Variants in CNTNAP2 observed in about 807,000 individuals in gnomAD.
CNTNAP2 encodes contactin-associated protein-like 2.
In CNTNAP2, 98 loss-of-function variants were observed where a neutral mutation model predicts 155.2. That is an observed-to-expected ratio of 0.63 (90% confidence interval 0.54 to 0.75). CNTNAP2 has a LOEUF of 0.75. CNTNAP2 is among the 30% of genes least tolerant of loss of function. CNTNAP2 has a pLI of 0.00. For missense variants in CNTNAP2, 1,727 were observed against 1,688.1 expected (o/e 1.02, Z -0.40); for synonymous variants, 651 against 631.2 (o/e 1.03, Z -0.47).
intron 1 of CNTNAP2, among the ~76,000 whole-genome samples, chr7:146,332,941 ATTTTTTTTT>A (rs4016094): frequency 3.9e-5 from 4 of 102,460 alleles, no homozygotes; most frequent in Admixed American, 1.2e-4. Context: ...TTCTTCTTCT[ATTTTTTTTT>A]TTTTTTTTTT....
At chr7:147,861,590 T>C (rs1799133437) in intron 13 of CNTNAP2, among the ~76,000 whole-genome samples, 1 of 152,060 alleles carries the variant, frequency 6.6e-6, no homozygotes, top group Non-Finnish European at 1.5e-5. Context: ...GAGAAAAGAA[T>C]TTAAAACAGC....
intron 1 of CNTNAP2, among the ~76,000 whole-genome samples, chr7:146,700,495 A>G (rs1800857849): frequency 6.6e-6 from 1 of 152,102 alleles, no homozygotes; most frequent in Non-Finnish European, 1.5e-5. Context: ...TGAAAGTCTG[A>G]CCTTCAGGAA....
At chr7:148,194,405 T>C (rs945309322) in intron 18 of CNTNAP2, among the ~76,000 whole-genome samples, 1 of 152,180 alleles carries the variant, frequency 6.6e-6, no homozygotes, top group African/African-American at 2.4e-5. Context: ...ATTTGTCTTA[T>C]ATGTCTTAGT....
intron 9 of CNTNAP2, among the ~76,000 whole-genome samples, chr7:147,348,180 A>C (rs1795908939): frequency 6.6e-6 from 1 of 152,074 alleles, no homozygotes; most frequent in African/African-American, 2.4e-5. Context: ...ATATCACAGC[A>C]CAAATCTTCT....
At chr7:148,320,663 C>T (rs919471216) in intron 21 of CNTNAP2, among the ~76,000 whole-genome samples, 4 of 152,088 alleles carry the variant, frequency 2.6e-5, no homozygotes, top group African/African-American at 4.8e-5. Context: ...GGATTACAGG[C>T]GTGAGCCACC....
In CNTNAP2 at chr7:147,644,488, G is replaced by A. The variant is rs1038353777; in HGVS notation, c.2098+5182G>A. On this transcript the variant is annotated intron_variant, in intron 13 of 23. Transcript: ENST00000361727. ...ATACAGAAAATTAGCTGGGTGTGGT[G>A]GCATGCACCTGTAATCCCAGCTACT... 4.6e-5 allele frequency among the ~76,000 whole-genome samples: 7 copies of A among 152,220 alleles called. No homozygotes were observed. The East Asian group carries it at 1.4e-3, about 29-fold the overall frequency.
chr7:146,682,239 A>G (rs915498734), intron 1 of CNTNAP2, among the ~76,000 whole-genome samples: 1 of 151,806 alleles, frequency 6.6e-6, no homozygotes, highest in African/African-American at 2.4e-5. Context: ...ATGTATATGT[A>G]TATATATATA....
intron 7 of CNTNAP2, among the ~76,000 whole-genome samples, chr7:147,131,143 TAC>T (rs1315072070): frequency 6.7e-6 from 1 of 149,398 alleles, no homozygotes; most frequent in Non-Finnish European, 1.5e-5. Flanking sequence ...CATATACATA[TAC>T]ATGTACCATA....
At chr7:147,794,633 G>C (rs1057356666) in intron 13 of CNTNAP2, among the ~76,000 whole-genome samples, 4 of 151,656 alleles carry the variant, frequency 2.6e-5, no homozygotes, top group Non-Finnish European at 5.9e-5. Context: ...TTCAGCATGA[G>C]GGTAATAATA....
chr7:147,019,420 C>A (rs1477313987), intron 3 of CNTNAP2, among the ~76,000 whole-genome samples: 1 of 151,690 alleles, frequency 6.6e-6, no homozygotes, highest in Non-Finnish European at 1.5e-5. Flanking sequence ...AATAATTCCC[C>A]AAAAAAGCAA....
At chr7:146,473,045 T>A (rs1279246349) in intron 1 of CNTNAP2, among the ~76,000 whole-genome samples, 2 of 151,834 alleles carry the variant, frequency 1.3e-5, no homozygotes, top group Non-Finnish European at 1.5e-5. Flanking sequence ...GAAGTAGATC[T>A]ATATTTGGCC....
At chr7:146,123,986 A>G (rs1270925824) in intron 1 of CNTNAP2, among the ~76,000 whole-genome samples, 1 of 152,190 alleles carries the variant, frequency 6.6e-6, no homozygotes. Context: ...TTGTCAGCAA[A>G]CTAACACAGG....
At chr7:146,388,189 G>C (rs1161358334) in intron 1 of CNTNAP2, among the ~76,000 whole-genome samples, 2 of 151,402 alleles carry the variant, frequency 1.3e-5, no homozygotes, top group Non-Finnish European at 2.9e-5. Flanking sequence ...CTCGCACTTT[G>C]AGACGCTGAG....
intron 19 of CNTNAP2, among the ~76,000 whole-genome samples, chr7:148,218,329 A>G (rs915799102): frequency 6.6e-6 from 1 of 152,232 alleles, no homozygotes; most frequent in Non-Finnish European, 1.5e-5. Flanking sequence ...TTCATTCCCA[A>G]TCCTCTCAGA....
chr7:147,655,689 G>T (rs1795516664), intron 13 of CNTNAP2, among the ~76,000 whole-genome samples: 1 of 152,176 alleles, frequency 6.6e-6, no homozygotes, highest in Non-Finnish European at 1.5e-5. Context: ...AAGCTTTGTT[G>T]TTCCATTTCT....
At position 147,513,429 on chromosome 7, in the gene CNTNAP2, T is replaced by C. The variant is rs577520969; in HGVS notation, c.1777+27388T>C. The stretch of plus-strand genomic sequence containing the variant: ...GTAGGTGGCCTTGGTAAAGCCACTT[T>C]CTCTCTTTGAGGCTCATTTTTCTCA... On this transcript the variant is annotated intron_variant, in intron 11 of 23. Transcript: ENST00000361727. 3.3e-5 allele frequency among the ~76,000 whole-genome samples: 5 copies of C among 152,318 alleles called. No individual in the cohort carries two copies. The East Asian group carries it at 7.7e-4, about 23-fold the overall frequency.
chr7:146,673,908 C>T (rs1487605487), intron 1 of CNTNAP2, among the ~76,000 whole-genome samples: 2 of 152,130 alleles, frequency 1.3e-5, no homozygotes, highest in East Asian at 1.9e-4. Flanking sequence ...AACAAACAAA[C>T]CCAAGATCAA....
At chr7:147,116,058 C>T (rs1351574711) in intron 5 of CNTNAP2, among the ~76,000 whole-genome samples, 1 of 152,020 alleles carries the variant, frequency 6.6e-6, no homozygotes, top group Non-Finnish European at 1.5e-5. Flanking sequence ...AGAAGTCTGG[C>T]CACTCATCCA....
At chr7:147,309,134 G>A (rs886632768) in intron 9 of CNTNAP2, among the ~76,000 whole-genome samples, 1 of 152,142 alleles carries the variant, frequency 6.6e-6, no homozygotes, top group Non-Finnish European at 1.5e-5. Context: ...TTGGAGGGGG[G>A]TAGAAAGTAA....
Sources: gnomAD v4.1 joint callset for allele counts (sites outside exome capture counted in the v4.1 genomes callset) on GRCh38, gnomAD v4.1.1 for gene constraint, MANE v1.5 for transcripts, NCBI Gene and HGNC (gene_info 2026-07-23, HGNC 2026-07-21) for gene names.